Variants in L2HGDH observed in about 807,000 individuals in gnomAD.
The protein encoded by L2HGDH is L-2-hydroxyglutarate dehydrogenase, mitochondrial.
Under a neutral mutation model 51.5 loss-of-function variants are expected in L2HGDH, and 34 were observed. The observed-to-expected ratio is 0.66, with a 90% CI of 0.50 to 0.88. The LOEUF (loss-of-function observed/expected upper bound fraction) is 0.88, where lower values mean the gene tolerates loss of function less well. Ranked by LOEUF, L2HGDH falls within the 40% of genes least tolerant of loss-of-function variation. The pLI is 0.00. For synonymous variants in L2HGDH, 198 were observed against 197.9 expected (o/e 1.00, Z -0.01); for missense variants, 558 against 571.9 (o/e 0.98, Z 0.25).
intron 9 of L2HGDH, among the ~76,000 whole-genome samples, chr14:50,258,486 G>A (rs1888805905): frequency 6.6e-6 from 1 of 151,140 alleles, no homozygotes; most frequent in Non-Finnish European, 1.5e-5. Context: ...GTCTCCCAAA[G>A]TGCTGGGATT....
At chr14:50,254,005 G>C (rs1390563054) in intron 9 of L2HGDH, among the ~76,000 whole-genome samples, 1 of 152,072 alleles carries the variant, frequency 6.6e-6, no homozygotes, top group Non-Finnish European at 1.5e-5. Flanking sequence ...AAGAGAGCAA[G>C]ACTGTAACCA....
chr14:50,291,032 T>C (rs1022378957), intron 4 of L2HGDH, among the ~76,000 whole-genome samples: 2 of 151,338 alleles, frequency 1.3e-5, no homozygotes, highest in Admixed American at 1.3e-4. Context: ...ACCCTGTTTC[T>C]ACTAAAAATA....
chr14:50,269,310 C>T lies in L2HGDH; in HGVS notation c.759G>A (p.Gln253=). The stretch of plus-strand genomic sequence containing the variant: ...AAAGTCCTGCACATGTCACAACATA[C>T]TGACATCGAATTTCCTCTCCCTAGT... ...KNTKGEEIRC[Q]YVVTCAGLYS... The change falls in exon 7 of 10, where the codon CAG becomes CAA. Residue 253 remains glutamine (Q), a synonymous_variant. Coordinates refer to ENST00000267436, the MANE Select transcript of L2HGDH (RefSeq NM_024884.3). 6.2e-7 allele frequency: 1 copy of T among 1,614,050 alleles called. No individual in the cohort carries two copies. Among genetic ancestry groups the T allele is most frequent in the Non-Finnish European group, 8.5e-7 (1 of 1,179,990 alleles).
At chr14:50,305,313 A>G (rs981290509) in intron 1 of L2HGDH, among the ~76,000 whole-genome samples, 4 of 152,208 alleles carry the variant, frequency 2.6e-5, no homozygotes, top group African/African-American at 9.7e-5. Flanking sequence ...TTTTAAAAAG[A>G]GAGGGCATAA....
chr14:50,267,755 A>G lies in L2HGDH; in HGVS notation c.1062T>C (p.Asn354=), dbSNP rs1165466164. 1.2e-6 allele frequency: 2 copies of G among 1,605,438 alleles called. No individual in the cohort carries two copies. Among genetic ancestry groups the G allele is most frequent in the East Asian group, 2.2e-5 (1 of 44,832 alleles). The stretch of plus-strand genomic sequence containing the variant: ...TTTTTAAAAATAAATAATGTTACCT[A>G]TTGATAATTATATCCATAACATCTG... ...SATDVMDIII[N]SGLIKLASQN... is the part of the protein sequence containing the mutation. The change falls in exon 8 of 10, where the codon AAT becomes AAC. Residue 354 remains asparagine (N), a splice_region_variant and synonymous_variant. Transcript: ENST00000267436.
At chr14:50,265,711 T>A (rs1281405728) in intron 8 of L2HGDH, among the ~76,000 whole-genome samples, 1 of 152,012 alleles carries the variant, frequency 6.6e-6, no homozygotes, top group African/African-American at 2.4e-5. Context: ...GTCACGAGTT[T>A]GAAACCAGCC....
chr14:50,262,373 T>A (rs1186697487), intron 9 of L2HGDH, among the ~76,000 whole-genome samples: 1 of 147,972 alleles, frequency 6.8e-6, no homozygotes, highest in Admixed American at 6.9e-5. Context: ...GAGGTTGTAG[T>A]AAGCCGACAT....
In L2HGDH at chr14:50,283,886, A is replaced by G. The variant is rs776278065; in HGVS notation, c.688T>C (p.Ser230Pro). 2 of 1,613,862 alleles carry G rather than the reference A, an allele frequency of 1.2e-6. No individual in the cohort carries two copies. Among genetic ancestry groups the G allele is most frequent in the Non-Finnish European group, 8.5e-7 (1 of 1,179,904 alleles). ...GATGGCTTACCATCTATACTTCTTG[A>G]AGGACTTTCTTTAGCCATTTCAATA... is the stretch of plus-strand genomic sequence containing the variant. ...KGIEMAKESP[S>P]RSIDGMQYPI... is the part of the protein sequence containing the mutation. Residue 230 changes from serine (S) to proline (P), a missense_variant, in exon 5 of 10, where the codon TCA becomes CCA. Physicochemically the swap from Ser to Pro is moderately conservative, Grantham distance 74. Transcript: ENST00000267436.
chr14:50,285,839 TAGA>T (rs1890536334), intron 4 of L2HGDH, among the ~76,000 whole-genome samples: 1 of 152,252 alleles, frequency 6.6e-6, no homozygotes, highest in African/African-American at 2.4e-5. Flanking sequence ...AGACCTTCCC[TAGA>T]AGGTGTCTCT....
intron 6 of L2HGDH, among the ~76,000 whole-genome samples, chr14:50,270,148 C>T (rs1408904802): frequency 4.6e-5 from 7 of 152,224 alleles, no homozygotes; most frequent in African/African-American, 1.7e-4. Context: ...ATTCAATGCA[C>T]ATTTAATGAG....
intron 1 of L2HGDH, among the ~76,000 whole-genome samples, chr14:50,303,360 T>C (rs1372450207): frequency 6.6e-6 from 1 of 151,864 alleles, no homozygotes; most frequent in African/African-American, 2.4e-5. Flanking sequence ...AAGCAGAGGT[T>C]GCAGTGAGTG....
chr14:50,262,422 C>G (rs1289602411), intron 9 of L2HGDH, among the ~76,000 whole-genome samples: 4 of 113,776 alleles, frequency 3.5e-5, no homozygotes, highest in African/African-American at 6.3e-5. Flanking sequence ...GACCGAGACT[C>G]TGTCTCAAAA....
At chr14:50,262,345 G>T (rs757206279) in intron 9 of L2HGDH, among the ~76,000 whole-genome samples, 2 of 150,772 alleles carry the variant, frequency 1.3e-5, no homozygotes, top group Admixed American at 6.6e-5. Context: ...CAGGAGAATC[G>T]CCTGAACCAG....
chr14:50,306,869 G>A (rs552514946), intron 1 of L2HGDH, among the ~76,000 whole-genome samples: 21 of 152,202 alleles, frequency 1.4e-4, no homozygotes, highest in East Asian at 7.7e-4. Context: ...AGGTTGGAGT[G>A]TAGCAGCATG....
chr14:50,286,556 A>G (rs901976840), intron 4 of L2HGDH, among the ~76,000 whole-genome samples: 1 of 152,186 alleles, frequency 6.6e-6, no homozygotes, highest in African/African-American at 2.4e-5. Context: ...ATTTTACCCA[A>G]TATTCCTATA....
At chr14:50,268,828 G>A (rs1370692420) in intron 7 of L2HGDH, among the ~76,000 whole-genome samples, 4 of 151,982 alleles carry the variant, frequency 2.6e-5, no homozygotes, top group Non-Finnish European at 4.4e-5. Context: ...GTGAACTGAG[G>A]AAAAGGGTTG....
intron 9 of L2HGDH, among the ~76,000 whole-genome samples, chr14:50,252,775 C>T (rs1197409592): frequency 6.6e-6 from 1 of 152,030 alleles, no homozygotes; most frequent in Non-Finnish European, 1.5e-5. Context: ...CACTGGAGTA[C>T]CCAGCTATAC....
chr14:50,258,034 CT>C (rs1888774458), intron 9 of L2HGDH, among the ~76,000 whole-genome samples: 1 of 140,894 alleles, frequency 7.1e-6, no homozygotes. Flanking sequence ...CCTGAGAGCA[CT>C]TTTTTTTAAA....
In L2HGDH at chr14:50,287,691, CT is replaced by C. The variant is rs911689718; in HGVS notation, c.541-3659del. On this transcript the variant is annotated intron_variant, in intron 4 of 9. Transcript: ENST00000267436. Reference sequence around the variant, plus strand: ...ACATAATTATATTTTTATTTTTTTCCTTTTTTTTTTTTTTTTTTTTTTTTGA... The same window carrying C: ...ACATAATTATATTTTTATTTTTTTCCTTTTTTTTTTTTTTTTTTTTTTTGA... 7.0e-3 allele frequency among the ~76,000 whole-genome samples: 597 copies of C among 85,270 alleles called. 2 individuals are homozygous for C. Among genetic ancestry groups the C allele is most frequent in the Middle Eastern group, 0.028 (2 of 72 alleles). 55.9% of individuals were successfully genotyped at this position (85,270 alleles called of 152,430 possible). A position where few individuals can be genotyped will look rare whatever the true frequency, so the allele number is the denominator to read the frequency against.
Sources: allele counts gnomAD v4.1 joint callset (sites outside exome capture counted in the v4.1 genomes callset), GRCh38; gene constraint gnomAD v4.1.1; transcripts MANE v1.5; gene names NCBI Gene and HGNC (gene_info 2026-07-23, HGNC 2026-07-21).